Variants in BLOC1S2 observed in about 807,000 individuals in gnomAD.
The protein encoded by BLOC1S2 is biogenesis of lysosome-related organelles complex 1 subunit 2.
Under a neutral mutation model 19.6 loss-of-function variants are expected in BLOC1S2, and 12 were observed. The observed-to-expected ratio is 0.61, with a 90% CI of 0.39 to 0.99. The LOEUF is 0.99. BLOC1S2 is among the 50% of genes least tolerant of loss of function. BLOC1S2 has a pLI of 0.00. For synonymous variants in BLOC1S2, 66 were observed against 64.1 expected (o/e 1.03, Z -0.14); for missense variants, 142 against 171.0 (o/e 0.83, Z 0.95).
rs79740461 is a variant in BLOC1S2, at chr10:100,279,113, A to T, written c.397+1011T>A. On this transcript the variant is annotated intron_variant, in intron 4 of 4. Transcript: ENST00000370372. ...TATAGAAAAAAAAAACAAAACAACA[A>T]CAACAAAAAACCCACTAAATTCTTT... Among the ~76,000 whole-genome samples, 755 of 152,060 alleles carry T rather than the reference A, an allele frequency of 5.0e-3. 18 individuals are homozygous for T. In the East Asian group the frequency reaches 0.059, roughly 12 times the overall value.
rs866796527 is a variant in BLOC1S2, at chr10:100,274,151, G to A, written c.*1311C>T. 2.0e-5 allele frequency: 3 copies of A among 152,122 alleles called. No homozygotes were observed. Among genetic ancestry groups the A allele is most frequent in the African/African-American group, 7.2e-5 (3 of 41,414 alleles). 9.4% of individuals were successfully genotyped at this position (152,122 alleles called of 1,614,324 possible). ...GCGTGCTGGTAGTCCCAGCTATTCA[G>A]GAGGCTGAGGTGGGAAGATCAGTTG... On this transcript the variant is annotated 3_prime_UTR_variant, in exon 5 of 5. Transcript: ENST00000370372.
chr10:100,278,007 G>T (rs1180824907), intron 4 of BLOC1S2, among the ~76,000 whole-genome samples: 5 of 123,102 alleles, frequency 4.1e-5, no homozygotes, highest in African/African-American at 1.3e-4. Flanking sequence ...CGGGAGGGAG[G>T]TGAGGGAATC....
At chr10:100,280,857 C>G in intron 3 of BLOC1S2, 77 bp downstream of exon 3, 7,700 of 1,125,340 alleles carry the variant, frequency 6.8e-3, no homozygotes, top group Non-Finnish European at 8.6e-3. Context: ...ATGTCATGTT[C>G]CCTCCTCTTC....
intron 2 of BLOC1S2, among the ~76,000 whole-genome samples, chr10:100,284,405 T>G (rs904884996): frequency 6.6e-6 from 1 of 152,228 alleles, no homozygotes; most frequent in African/African-American, 2.4e-5. Flanking sequence ...CTGGGTGCAG[T>G]GGCTCACACC....
At chr10:100,277,494 C>A (rs1847931301) in intron 4 of BLOC1S2, among the ~76,000 whole-genome samples, 2 of 117,054 alleles carry the variant, frequency 1.7e-5, no homozygotes, top group Non-Finnish European at 3.6e-5. Flanking sequence ...CCGTCCCGTC[C>A]GGGAGGGAGG....
At chr10:100,277,916 G>A (rs1324231927) in intron 4 of BLOC1S2, among the ~76,000 whole-genome samples, 31 of 95,274 alleles carry the variant, frequency 3.3e-4, no homozygotes, top group African/African-American at 5.5e-4. Flanking sequence ...CAGCCGCCCC[G>A]TCCGGGAGGT....
intron 4 of BLOC1S2, among the ~76,000 whole-genome samples, chr10:100,276,507 CGTCTCCCTCTCCCTCTCCTTTCCACG>C (rs1847873339): frequency 1.6e-5 from 2 of 122,998 alleles, no homozygotes; most frequent in Non-Finnish European, 3.7e-5. Context: ...CTCCCTCTCC[CGTCTCCCTCTCCCTCTCCTTTCCACG>C]GTCTCCCTCT....
At chr10:100,281,772 A>G (rs1245822810) in intron 2 of BLOC1S2, among the ~76,000 whole-genome samples, 1 of 150,892 alleles carries the variant, frequency 6.6e-6, no homozygotes, top group Non-Finnish European at 1.5e-5. Context: ...ACTACTTCTT[A>G]GTAACTCGTT....
At chr10:100,275,781 T>C (rs1235567829) in intron 4 of BLOC1S2, among the ~76,000 whole-genome samples, 2 of 152,192 alleles carry the variant, frequency 1.3e-5, no homozygotes, top group Admixed American at 1.3e-4. Context: ...CATCTGTCAC[T>C]TGACCTATCG....
chr10:100,278,345 A>G (rs1217511826), intron 4 of BLOC1S2, among the ~76,000 whole-genome samples: 1 of 152,196 alleles, frequency 6.6e-6, no homozygotes, highest in African/African-American at 2.4e-5. Flanking sequence ...CCAACAGCTC[A>G]TTGAGAATGG....
chr10:100,286,069 AC>A, intron 2 of BLOC1S2, 27 bp downstream of exon 2: 1 of 1,609,764 alleles, frequency 6.2e-7, no homozygotes, highest in South Asian at 1.1e-5. Context: ...GCCAAACCGC[AC>A]CCGAATCAAC....
At chr10:100,279,655 G>T (rs1323906169) in intron 4 of BLOC1S2, among the ~76,000 whole-genome samples, 2 of 152,162 alleles carry the variant, frequency 1.3e-5, no homozygotes, top group African/African-American at 2.4e-5. Context: ...GAGGTGGGCA[G>T]ATCACTTGAG....
At chr10:100,286,526 C>T (rs1177036115) in intron 1 of BLOC1S2, 79 bp downstream of exon 1, 2 of 1,580,738 alleles carry the variant, frequency 1.3e-6, no homozygotes, top group Non-Finnish European at 1.7e-6. Context: ...AGGTGAGCCA[C>T]CACACACTCA....
chr10:100,274,612 T>C lies in BLOC1S2; in HGVS notation c.*850A>G, dbSNP rs1467257247. The C allele has an allele frequency of 1.0e-5, 2 of 192,090 alleles. No homozygotes were observed. The highest frequency in any genetic ancestry group is 2.1e-5 in the Non-Finnish European group (2 of 95,056). The allele number at this position is 192,090 out of a possible 1,614,324, so 11.9% of individuals were successfully genotyped here. On this transcript the variant is annotated 3_prime_UTR_variant, in exon 5 of 5. Transcript: ENST00000370372. ...CTTTCAACCTAGACTGGTCAGTCAG[T>C]ATGTCCCATTGTCTGATGTTTTTAG...
chr10:100,282,293 G>C (rs1462116222), intron 2 of BLOC1S2, among the ~76,000 whole-genome samples: 1 of 152,196 alleles, frequency 6.6e-6, no homozygotes, highest in Non-Finnish European at 1.5e-5. Flanking sequence ...AAAAGTAGCT[G>C]ACACTCACTA....
rs1400603157 is a variant in BLOC1S2, at chr10:100,277,624, G to A, written c.398-2131C>T. 8.1e-5 allele frequency among the ~76,000 whole-genome samples: 10 copies of A among 123,150 alleles called. 2 individuals are homozygous for A. The highest frequency in any genetic ancestry group is 3.2e-4 in the African/African-American group (10 of 31,678). 80.8% of individuals were successfully genotyped at this position (123,150 alleles called of 152,430 possible). On this transcript the variant is annotated intron_variant, in intron 4 of 4. Coordinates refer to ENST00000370372, the MANE Select transcript of BLOC1S2 (RefSeq NM_173809.5). The stretch of plus-strand genomic sequence containing the variant: ...GAGGTGGGAGGGGGTCAGCCCCCCT[G>A]CCCAGCCAGCCACCCCGTCCAGGAG...
At chr10:100,278,809 T>TAAA (rs71013437) in intron 4 of BLOC1S2, among the ~76,000 whole-genome samples, 1 of 137,788 alleles carries the variant, frequency 7.3e-6, no homozygotes, top group Non-Finnish European at 1.6e-5. Flanking sequence ...GAATGATCAA[T>TAAA]AAAAAAAAAA....
chr10:100,283,797 C>A (rs1211510572), intron 2 of BLOC1S2, among the ~76,000 whole-genome samples: 1 of 152,114 alleles, frequency 6.6e-6, no homozygotes, highest in African/African-American at 2.4e-5. Flanking sequence ...ATTGCTTGAA[C>A]CTGGGAGACG....
chr10:100,280,177 A>G lies in BLOC1S2; in HGVS notation c.344T>C (p.Val115Ala). Residue 115 changes from valine to alanine, a missense_variant, in exon 4 of 5, where the codon GTA becomes GCA. Val to Ala is a moderately conservative substitution (Grantham distance 64). This residue lies in a region of BLOC1S2 where 94 missense variants were observed against 141.3 expected (regional missense o/e 0.67). Coordinates refer to ENST00000370372, the MANE Select transcript of BLOC1S2 (RefSeq NM_173809.5). ...GTAAGCTGCCTGCTCAAGAGCTGCTACCTGCTCTTCAATGACATTGATCTG... is the reference window on the plus strand; with the variant it reads ...GTAAGCTGCCTGCTCAAGAGCTGCTGCCTGCTCTTCAATGACATTGATCTG... ...LDQINVIEEQ[V>A]AALEQAAYKL... 1 of 1,613,570 alleles carries G rather than the reference A, an allele frequency of 6.2e-7. No individual in the cohort carries two copies. The highest frequency in any genetic ancestry group is 8.5e-7 in the Non-Finnish European group (1 of 1,179,646).
Sources: allele counts gnomAD v4.1 joint callset (sites outside exome capture counted in the v4.1 genomes callset), GRCh38; gene constraint gnomAD v4.1.1; regional missense constraint gnomAD v4.1.1; transcripts MANE v1.5; gene names NCBI Gene and HGNC (gene_info 2026-07-23, HGNC 2026-07-21).